The following A2ML1 variants were observed in gnomAD, a reference collection of about 807,000 sequenced individuals.
A2ML1 encodes the protein alpha-2-macroglobulin-like protein 1.
A neutral mutation model predicts 181.9 loss-of-function variants in A2ML1; 161 were observed. That is an observed-to-expected ratio of 0.89 (90% CI 0.78 to 1.01). A2ML1 has a LOEUF of 1.01. Ranked by LOEUF, A2ML1 falls within the 50% of genes least tolerant of loss-of-function variation. A2ML1 has a pLI of 0.00. For synonymous variants in A2ML1, 663 were observed against 666.8 expected (o/e 0.99, Z 0.09); for missense variants, 1,670 against 1,768.1 (o/e 0.94, Z 1.00).
chr12:8,823,987 G>A, intron 3 of A2ML1, 105 bp downstream of exon 3: 1 of 1,342,812 alleles, frequency 7.4e-7, no homozygotes. Context: ...AAAAAAAGGA[G>A]TGCAGAGGAG....
In A2ML1 at chr12:8,867,947, A is replaced by G. The variant is rs755314364; in HGVS notation, c.3823A>G (p.Thr1275Ala). The G allele has an allele frequency of 6.2e-7, 1 of 1,614,240 alleles. No individual in the cohort carries two copies. The highest frequency in any genetic ancestry group is 1.7e-5 in the Admixed American group (1 of 60,030). The part of the protein sequence containing the change: ...VVKSTENFQR[T>A]FNIQSVNRLV... ...AAAATCCACTGAGAATTTCCAGCGCACATTCAACATACAGTCAGTTAACAG... is the reference window on the plus strand; with the variant it reads ...AAAATCCACTGAGAATTTCCAGCGCGCATTCAACATACAGTCAGTTAACAG... The change falls in exon 30 of 36, where the codon ACA (threonine) becomes GCA (alanine). Residue 1275 changes from threonine to alanine, a missense_variant. Transcript: ENST00000299698.
Position 8,823,370 on chromosome 12 carries a change from G to A in A2ML1, c.246+5G>A. The A allele has an allele frequency of 6.2e-7, 1 of 1,612,212 alleles. No homozygotes were observed. The highest frequency in any genetic ancestry group is 8.5e-7 in the Non-Finnish European group (1 of 1,178,916). On this transcript the variant is annotated splice_donor_5th_base_variant and intron_variant, in intron 2 of 35. Coordinates refer to ENST00000299698, the MANE Select transcript of A2ML1 (RefSeq NM_144670.6). ...TTACATTGTATCTCCTTTCTTGTAA[G>A]CACAGACTCAGCCCTCACTCGAATC...
intron 4 of A2ML1, 88 bp from the exon 5 acceptor site, chr12:8,834,574 G>T: frequency 6.6e-7 from 1 of 1,505,372 alleles, no homozygotes; most frequent in Non-Finnish European, 9.2e-7. Flanking sequence ...GGGAAAGGAA[G>T]AATTCTTTGT....
At chr12:8,837,913 C>T (rs907724965) in intron 8 of A2ML1, among the ~76,000 whole-genome samples, 2 of 138,700 alleles carry the variant, frequency 1.4e-5, no homozygotes, top group Non-Finnish European at 3.1e-5. Flanking sequence ...AAAAAAAGAA[C>T]GTATCCACAT....
chr12:8,828,312 G>T (rs1306206666), intron 3 of A2ML1, among the ~76,000 whole-genome samples: 1 of 152,128 alleles, frequency 6.6e-6, no homozygotes, highest in Non-Finnish European at 1.5e-5. Flanking sequence ...TGGCACCCAA[G>T]CCATAAGACA....
At chr12:8,857,014 G>A in intron 23 of A2ML1, 150 bp from the exon 24 acceptor site, 4 of 669,620 alleles carry the variant, frequency 6.0e-6, no homozygotes, top group Non-Finnish European at 7.1e-6. Context: ...CCATACTGCT[G>A]GAATTACAGG....
At chr12:8,872,668 C>A (rs1555118792) in intron 33 of A2ML1, among the ~76,000 whole-genome samples, 1 of 151,346 alleles carries the variant, frequency 6.6e-6, no homozygotes, top group Non-Finnish European at 1.5e-5. Flanking sequence ...CCGGTAGTCC[C>A]AGCTACTTGA....
At chr12:8,835,838 C>G (rs1565466716) in intron 6 of A2ML1, among the ~76,000 whole-genome samples, 172 bp downstream of exon 6, 1 of 151,844 alleles carries the variant, frequency 6.6e-6, no homozygotes, top group Admixed American at 6.6e-5. Flanking sequence ...ACAGTGAAAC[C>G]CTGTCTCCAC....
chr12:8,859,039 A>G (rs1944168472), intron 26 of A2ML1, among the ~76,000 whole-genome samples: 1 of 152,044 alleles, frequency 6.6e-6, no homozygotes, highest in Non-Finnish European at 1.5e-5. Context: ...CATGGAGACT[A>G]AGTAAATTGC....
chr12:8,883,356 T>C (rs1944887618), intron 7 of A2ML1, among the ~76,000 whole-genome samples: 1 of 152,224 alleles, frequency 6.6e-6, no homozygotes, highest in African/African-American at 2.4e-5. Context: ...AGCAGCCACG[T>C]GCCCAACTAA....
At chr12:8,823,510 G>A (rs1371898208) in intron 2 of A2ML1, 145 bp downstream of exon 2, 9 of 1,094,126 alleles carry the variant, frequency 8.2e-6, no homozygotes, top group Non-Finnish European at 1.0e-5. Context: ...CTCAATCCCC[G>A]GCTATAACTC....
intron 29 of A2ML1, among the ~76,000 whole-genome samples, chr12:8,865,484 A>G (rs898769740): frequency 6.6e-6 from 1 of 152,232 alleles, no homozygotes; most frequent in Admixed American, 6.5e-5. Context: ...GGTTGCGGTG[A>G]GCCGAGATGG....
At chr12:8,855,768 G>A (rs972634011) in intron 23 of A2ML1, among the ~76,000 whole-genome samples, 176 bp downstream of exon 23, 1 of 152,130 alleles carries the variant, frequency 6.6e-6, no homozygotes, top group Admixed American at 6.6e-5. Flanking sequence ...AGTACAGATG[G>A]GATTAGACTT....
intron 26 of A2ML1, among the ~76,000 whole-genome samples, chr12:8,859,618 G>T (rs957050537): frequency 7.2e-5 from 11 of 151,860 alleles, no homozygotes; most frequent in African/African-American, 2.7e-4. Flanking sequence ...TGTTGTACAG[G>T]CTGGAGTGTA....
chr12:8,858,276 T>G, intron 26 of A2ML1, 174 bp downstream of exon 26: 1 of 726,898 alleles, frequency 1.4e-6, no homozygotes, highest in Non-Finnish European at 2.1e-6. Context: ...AGTTTTCATG[T>G]CTGTAGAATG....
rs1943248191 is a variant in A2ML1, at chr12:8,835,667, G to C, written c.643+1G>C. 6.2e-7 allele frequency: 1 copy of C among 1,613,964 alleles called. No individual in the cohort carries two copies. The highest frequency in any genetic ancestry group is 8.5e-7 in the Non-Finnish European group (1 of 1,179,988). On this transcript the variant is annotated splice_donor_variant, in intron 6 of 35. Transcript: ENST00000299698. LOFTEE classifies it high-confidence loss of function. ...GGTACTTTCAGTGTGGAGGAATATG[G>C]TAGGTGGGGAAATGGACAGGCCAAA... is the stretch of plus-strand genomic sequence containing the variant.
intron 22 of A2ML1, 128 bp downstream of exon 22, chr12:8,854,959 A>G: frequency 1.1e-6 from 1 of 934,766 alleles, no homozygotes; most frequent in Non-Finnish European, 1.6e-6. Flanking sequence ...CAGTGGCACG[A>G]TTTCAGCTCA....
At chr12:8,885,000 T>C (rs1944908363) in intron 7 of A2ML1, among the ~76,000 whole-genome samples, 1 of 152,240 alleles carries the variant, frequency 6.6e-6, no homozygotes. Flanking sequence ...GCATGTGTCT[T>C]TATGGTAGAA....
In A2ML1 at chr12:8,838,391, T is replaced by C. The variant is rs184575465; in HGVS notation, c.911T>C (p.Ile304Thr). ...GTGGACATGGCCACCTTTGACCTCA[T>C]TGGATATGCGTACAGCCATCAAATC... ...APVDMATFDL[I>T]GYAYSHQINI... Residue 304 changes from isoleucine (I) to threonine (T), a missense_variant, in exon 9 of 36, where the codon ATT becomes ACT. By Grantham distance (89) the Ile-to-Thr change is moderately conservative (BLOSUM62 -1). Coordinates refer to ENST00000299698, the MANE Select transcript of A2ML1 (RefSeq NM_144670.6). 6.8e-5 allele frequency: 110 copies of C among 1,613,884 alleles called. No individual in the cohort carries two copies. In the Admixed American group the frequency reaches 1.4e-3, roughly 20 times the overall value.
Sources: allele counts gnomAD v4.1 joint callset (sites outside exome capture counted in the v4.1 genomes callset), GRCh38; gene constraint gnomAD v4.1.1; transcripts MANE v1.5; gene names NCBI Gene and HGNC (gene_info 2026-07-23, HGNC 2026-07-21).